Variants in ACACB observed in about 807,000 individuals in gnomAD.
ACACB encodes acetyl-CoA carboxylase 2.
ACACB carries 209 observed loss-of-function variants against 278.8 expected under a neutral mutation model. The ratio of observed to expected loss-of-function variants is 0.75; its 90% CI spans 0.67 to 0.84. The LOEUF is 0.84. Among genes scored for constraint, ACACB ranks in the 40% least tolerant of loss-of-function variants. The pLI is 0.00. For missense variants in ACACB, 2,850 were observed against 3,269.0 expected (o/e 0.87, Z 3.13); for synonymous variants, 1,174 against 1,285.6 (o/e 0.91, Z 1.86).
intron 24 of ACACB, among the ~76,000 whole-genome samples, chr12:109,220,538 G>T (rs1324591508): frequency 6.6e-6 from 1 of 152,054 alleles, no homozygotes; most frequent in African/African-American, 2.4e-5. Flanking sequence ...AAATGGTGTT[G>T]TTGTTGTTGT....
At chr12:109,235,270 A>C in intron 31 of ACACB, 43 bp from the exon 32 acceptor site, 3 of 1,566,146 alleles carry the variant, frequency 1.9e-6, no homozygotes, top group Non-Finnish European at 2.6e-6. Context: ...AGTTCCTTTT[A>C]CGGCCAAATA....
intron 48 of ACACB, among the ~76,000 whole-genome samples, chr12:109,261,831 A>G (rs1443917480): frequency 6.6e-6 from 1 of 150,744 alleles, no homozygotes; most frequent in African/African-American, 2.4e-5. Context: ...AGATAGTGCC[A>G]CTGCACTCCA....
chr12:109,210,081 G>A (rs1478570019), intron 21 of ACACB, among the ~76,000 whole-genome samples: 1 of 119,388 alleles, frequency 8.4e-6, no homozygotes, highest in Non-Finnish European at 1.7e-5. Flanking sequence ...GTGTATATAT[G>A]TATATATACA....
intron 34 of ACACB, 97 bp downstream of exon 34, chr12:109,237,477 T>C (rs1256662136): frequency 1.7e-5 from 22 of 1,288,576 alleles, no homozygotes; most frequent in Middle Eastern, 4.8e-4. Flanking sequence ...ATGCTGGGGA[T>C]GGAGAGTACA....
At position 109,222,992 on chromosome 12, in the gene ACACB, C is replaced by G. The variant is rs1203482685; in HGVS notation, c.3792+80C>G. 6.2e-6 allele frequency: 7 copies of G among 1,136,946 alleles called. No homozygotes were observed. The Admixed American group carries it at 1.4e-4, about 23-fold the overall frequency. The allele number at this position is 1,136,946 out of a possible 1,614,324, so 70.4% of individuals were successfully genotyped here. A position where few individuals can be genotyped will look rare whatever the true frequency, so the allele number is the denominator to read the frequency against. On this transcript the variant is annotated intron_variant, in intron 26 of 52. Coordinates refer to ENST00000338432, the MANE Select transcript of ACACB (RefSeq NM_001093.4). The stretch of plus-strand genomic sequence containing the variant: ...GGGGGCCTCTGGGGAAACGGCTCCT[C>G]CTGCCCTCCAGGTGCTCAGTGGGGT...
intron 11 of ACACB, among the ~76,000 whole-genome samples, chr12:109,182,864 A>C (rs1423525020): frequency 1.3e-5 from 2 of 152,046 alleles, no homozygotes; most frequent in African/African-American, 2.4e-5. Context: ...TTACTCAATA[A>C]ATTTTTGCCC....
At chr12:109,159,700 G>C (rs34269) in intron 2 of ACACB, among the ~76,000 whole-genome samples, 1 of 151,846 alleles carries the variant, frequency 6.6e-6, no homozygotes, top group Non-Finnish European at 1.5e-5. Flanking sequence ...AGCATCCCTG[G>C]TCTCCACCCA....
intron 44 of ACACB, among the ~76,000 whole-genome samples, chr12:109,255,567 C>T (rs1051931315): frequency 1.3e-5 from 2 of 152,242 alleles, no homozygotes; most frequent in Non-Finnish European, 2.9e-5. Flanking sequence ...TGAGATGCCT[C>T]TTACTCTGGC....
intron 49 of ACACB, 89 bp from the exon 50 acceptor site, chr12:109,264,143 T>G: frequency 4.2e-6 from 6 of 1,418,652 alleles, no homozygotes; most frequent in East Asian, 2.3e-5. Context: ...AATCCTGATT[T>G]GTGCCTTCTT....
chr12:109,237,063 C>T (rs1593664737), intron 33 of ACACB, 102 bp from the exon 34 acceptor site: 1 of 1,159,810 alleles, frequency 8.6e-7, no homozygotes, highest in African/African-American at 1.5e-5. Flanking sequence ...AACCCATGGA[C>T]ACCAGGGGTC....
intron 46 of ACACB, 103 bp downstream of exon 46, chr12:109,258,467 G>A (rs983825029): frequency 2.2e-6 from 2 of 898,142 alleles, no homozygotes; most frequent in South Asian, 1.6e-5. Context: ...CTTAGGTGGA[G>A]AAGCAGGGGA....
chr12:109,139,992 TG>T lies in ACACB; in HGVS notation c.592del (p.Ala198ProfsTer8). On this transcript the variant is annotated frameshift_variant, in exon 2 of 53. Coordinates refer to ENST00000338432, the MANE Select transcript of ACACB (RefSeq NM_001093.4). LOFTEE classifies it high-confidence loss of function. ...ACCCGGAAGGGCAGCCGGGCCAGCT[TG>T]GGGGCCCTGTCCCTGGAGGCTTATC... ...ESTRKGSRAS[L>X]GALSLEAYLT... The T allele has an allele frequency of 6.2e-7, 1 of 1,612,814 alleles. No homozygotes were observed. The highest frequency in any genetic ancestry group is 8.5e-7 in the Non-Finnish European group (1 of 1,179,956).
chr12:109,113,981 T>A (rs1299645785), upstream of ACACB, among the ~76,000 whole-genome samples: 2 of 152,022 alleles, frequency 1.3e-5, no homozygotes, highest in East Asian at 3.9e-4. Context: ...GGGAACCAAT[T>A]TTTTTTTCTT....
chr12:109,119,760 G>A (rs2042495902), intron 1 of ACACB, among the ~76,000 whole-genome samples: 1 of 151,550 alleles, frequency 6.6e-6, no homozygotes, highest in Non-Finnish European at 1.5e-5. Context: ...AGCCAGTTAT[G>A]GTGGTGCGCC....
intron 48 of ACACB, 31 bp downstream of exon 48, chr12:109,260,688 C>T (rs1291185173): frequency 1.3e-6 from 2 of 1,505,376 alleles, no homozygotes; most frequent in Non-Finnish European, 1.8e-6. Context: ...CTGGCTTAGC[C>T]TTTTCTTGTT....
intron 4 of ACACB, 58 bp downstream of exon 4, chr12:109,168,092 C>T: frequency 1.3e-6 from 2 of 1,554,506 alleles, no homozygotes; most frequent in Non-Finnish European, 1.7e-6. Flanking sequence ...GCCCTCGCCT[C>T]CTTCCCCTGT....
chr12:109,142,676 C>T (rs2043149356), intron 2 of ACACB, among the ~76,000 whole-genome samples: 1 of 152,156 alleles, frequency 6.6e-6, no homozygotes, highest in African/African-American at 2.4e-5. Context: ...AAGCAATTCT[C>T]CTGCTTCAGC....
intron 21 of ACACB, among the ~76,000 whole-genome samples, chr12:109,210,552 T>C (rs2045808686): frequency 6.7e-6 from 1 of 148,784 alleles, no homozygotes; most frequent in Non-Finnish European, 1.5e-5. Context: ...TGCATGTATA[T>C]ATACATATAT....
intron 42 of ACACB, among the ~76,000 whole-genome samples, chr12:109,252,813 A>G (rs2047130686): frequency 6.6e-6 from 1 of 152,216 alleles, no homozygotes; most frequent in Non-Finnish European, 1.5e-5. Context: ...TCTAGAAACT[A>G]AAAAACAAAC....
Sources: allele counts gnomAD v4.1 joint callset (sites outside exome capture counted in the v4.1 genomes callset), GRCh38; gene constraint gnomAD v4.1.1; transcripts MANE v1.5; gene names NCBI Gene and HGNC (gene_info 2026-07-23, HGNC 2026-07-21).